HS6ST2: variants seen among roughly 807,000 people sequenced by gnomAD.
HS6ST2 encodes heparan-sulfate 6-O-sulfotransferase 2.
Under a neutral mutation model 33.0 loss-of-function variants are expected in HS6ST2, and 17 were observed. The observed-to-expected ratio is 0.52, with a 90% confidence interval of 0.35 to 0.77. The LOEUF is 0.77. HS6ST2 is among the 30% of genes least tolerant of loss of function. HS6ST2 has a pLI of 0.01. For missense variants in HS6ST2, 519 were observed against 551.7 expected, an observed-to-expected ratio of 0.94 and a Z score of 0.59; for synonymous variants, 248 against 237.1, an observed-to-expected ratio of 1.05 and a Z score of -0.42.
chrX:132,809,016 A>C (rs142569371), intron 2 of HS6ST2, among the ~76,000 whole-genome samples: 4,313 of 111,227 alleles, frequency 0.039, 67 homozygotes, highest in Non-Finnish European at 0.06. Flanking sequence ...ATGGAGTCTC[A>C]CTCACTTTGT....
At chrX:132,670,598 G>T (rs1347448583) in intron 3 of HS6ST2, among the ~76,000 whole-genome samples, 1 of 111,546 alleles carries the variant, frequency 9.0e-6, no homozygotes, top group East Asian at 2.8e-4. Context: ...AGGAGTTCGA[G>T]ACCAGCCTGG....
At chrX:132,702,566 G>A (rs1192379970) in intron 3 of HS6ST2, among the ~76,000 whole-genome samples, 4 of 111,731 alleles carry the variant, frequency 3.6e-5, no homozygotes, top group Admixed American at 9.5e-5. Context: ...AATGCATACC[G>A]AGTCCAGGAT....
At chrX:132,730,992 T>C (rs146201250) in intron 2 of HS6ST2, among the ~76,000 whole-genome samples, 2,432 of 111,840 alleles carry the variant, frequency 0.022, 48 homozygotes, top group East Asian at 0.13. Flanking sequence ...TGTGTGTACA[T>C]ATATACACAC....
At chrX:132,662,309 C>T (rs747536889) in intron 4 of HS6ST2, among the ~76,000 whole-genome samples, 11 of 110,959 alleles carry the variant, frequency 9.9e-5, no homozygotes, top group South Asian at 3.9e-4. Flanking sequence ...CTTTTTATTA[C>T]GTGGAAAAAA....
chrX:132,693,087 T>A (rs2064079090), intron 3 of HS6ST2, among the ~76,000 whole-genome samples: 1 of 112,144 alleles, frequency 8.9e-6, no homozygotes, highest in Non-Finnish European at 1.9e-5. Context: ...TTGGCCACAC[T>A]CGTGATACCA....
intron 3 of HS6ST2, among the ~76,000 whole-genome samples, chrX:132,684,565 C>A (rs1057278510): frequency 9.1e-6 from 1 of 110,027 alleles, no homozygotes; most frequent in African/African-American, 3.3e-5. Context: ...GGCCTTGGAC[C>A]AGTGGCTCCC....
At chrX:132,641,506 A>G (rs1424849434) in intron 4 of HS6ST2, among the ~76,000 whole-genome samples, 4 of 112,645 alleles carry the variant, frequency 3.6e-5, no homozygotes, top group Admixed American at 1.9e-4. Flanking sequence ...AGGTGCATCC[A>G]TTGCATTGTA....
chrX:132,643,913 G>A (rs1486759454), intron 4 of HS6ST2, among the ~76,000 whole-genome samples: 2 of 111,823 alleles, frequency 1.8e-5, no homozygotes, highest in Admixed American at 9.5e-5. Flanking sequence ...ACATGTCAAT[G>A]AGAAGAGAGA....
chrX:132,635,746 A>AAAG (rs1238445318), intron 4 of HS6ST2, among the ~76,000 whole-genome samples: 4 of 110,031 alleles, frequency 3.6e-5, no homozygotes, highest in Admixed American at 9.8e-5. Context: ...CCCCTACAAC[A>AAAG]AAGAAATACC....
chrX:132,818,960 C>T (rs973681584), intron 2 of HS6ST2, among the ~76,000 whole-genome samples: 30 of 111,768 alleles, frequency 2.7e-4, no homozygotes, highest in African/African-American at 9.7e-4. Context: ...ACAGAAGGGA[C>T]AATTTCCTGG....
chrX:132,665,230 A>T (rs1349671183), intron 4 of HS6ST2, among the ~76,000 whole-genome samples: 2 of 112,131 alleles, frequency 1.8e-5, no homozygotes, highest in African/African-American at 6.5e-5. Flanking sequence ...AAGAGGGAAG[A>T]GCACCTGGCT....
chrX:132,788,612 C>T (rs919185871), intron 2 of HS6ST2, among the ~76,000 whole-genome samples: 10 of 112,446 alleles, frequency 8.9e-5, no homozygotes, highest in South Asian at 3.7e-4. Flanking sequence ...GAGGAAGGCA[C>T]GTTAAAAGCC....
intron 2 of HS6ST2, among the ~76,000 whole-genome samples, chrX:132,736,839 C>G (rs2064515148): frequency 8.9e-6 from 1 of 111,850 alleles, no homozygotes; most frequent in South Asian, 3.8e-4. Context: ...CTCCTTGCCC[C>G]TCTTGAAAAG....
intron 2 of HS6ST2, among the ~76,000 whole-genome samples, chrX:132,770,319 C>T (rs1183261370): frequency 9.0e-6 from 1 of 111,405 alleles, no homozygotes; most frequent in East Asian, 2.8e-4. Context: ...TTCCAGCTCG[C>T]ACACACTTTT....
At chrX:132,860,210 G>C (rs182439542) in intron 2 of HS6ST2, among the ~76,000 whole-genome samples, 31 of 112,114 alleles carry the variant, frequency 2.8e-4, no homozygotes, top group African/African-American at 8.1e-4. Flanking sequence ...CCCTAGTAAT[G>C]GGCATATCTG....
intron 2 of HS6ST2, among the ~76,000 whole-genome samples, chrX:132,738,599 C>T (rs1317597017): frequency 1.8e-5 from 2 of 112,663 alleles, no homozygotes; most frequent in Non-Finnish European, 3.7e-5. Flanking sequence ...GAGCAAATAA[C>T]TATCTTATAC....
chrX:132,794,909 A>C (rs1482181013), intron 2 of HS6ST2, among the ~76,000 whole-genome samples: 3 of 110,238 alleles, frequency 2.7e-5, no homozygotes, highest in Admixed American at 2.0e-4. Context: ...GCCCCGAAGT[A>C]CTGGGGGCCA....
At chrX:132,924,011 A>G (rs2066684181) in intron 2 of HS6ST2, among the ~76,000 whole-genome samples, 1 of 112,131 alleles carries the variant, frequency 8.9e-6, no homozygotes, top group Non-Finnish European at 1.9e-5. Flanking sequence ...AAATGAAAAT[A>G]TTTTTTACAA....
chrX:132,946,898 A>T (rs1027946148), intron 2 of HS6ST2, among the ~76,000 whole-genome samples: 2 of 111,785 alleles, frequency 1.8e-5, no homozygotes, highest in Admixed American at 1.9e-4. Flanking sequence ...AGGCCAAGTT[A>T]CCTGGGTCAA....
Sources: gnomAD v4.1 joint callset for allele counts (sites outside exome capture counted in the v4.1 genomes callset) on GRCh38, gnomAD v4.1.1 for gene constraint, MANE v1.5 for transcripts, NCBI Gene and HGNC (gene_info 2026-07-23, HGNC 2026-07-21) for gene names.